Variants in SLC24A3 observed in about 807,000 individuals in gnomAD.
SLC24A3 encodes the protein solute carrier family 24 member 3.
A neutral mutation model predicts 75.8 loss-of-function variants in SLC24A3; 28 were observed. The observed-to-expected ratio is 0.37, with a 90% CI of 0.27 to 0.51. The LOEUF (loss-of-function observed/expected upper bound fraction) is 0.51, where lower values mean the gene tolerates loss of function less well. Ranked by LOEUF, SLC24A3 falls within the 20% of genes least tolerant of loss-of-function variation. SLC24A3 has a pLI of 0.94. For synonymous variants in SLC24A3, 372 were observed against 334.1 expected (o/e 1.11, Z -1.24); for missense variants, 663 against 847.8 (o/e 0.78, Z 2.71).
intron 6 of SLC24A3, among the ~76,000 whole-genome samples, chr20:19,624,810 T>C (rs1225547522): frequency 6.6e-6 from 1 of 152,204 alleles, no homozygotes; most frequent in East Asian, 1.9e-4. Flanking sequence ...CTCCCACTCA[T>C]TGAGTTCTGA....
intron 3 of SLC24A3, among the ~76,000 whole-genome samples, chr20:19,553,546 C>T (rs1647852693): frequency 6.6e-6 from 1 of 152,164 alleles, no homozygotes; most frequent in Admixed American, 6.5e-5. Flanking sequence ...TCCCTCAGAA[C>T]ATGTCTTTCA....
At chr20:19,461,905 A>G (rs6046109) in intron 2 of SLC24A3, among the ~76,000 whole-genome samples, 106,422 of 152,016 alleles carry the variant, frequency 0.7, 38,261 homozygotes, top group African/African-American at 0.88. Context: ...CATTTTCCCC[A>G]TTTATGAGAG....
chr20:19,237,492 G>A (rs1219562876), intron 1 of SLC24A3, among the ~76,000 whole-genome samples: 6 of 152,142 alleles, frequency 3.9e-5, no homozygotes, highest in Non-Finnish European at 5.9e-5. Flanking sequence ...ACCTGTTCCC[G>A]TCATGTGCTA....
chr20:19,698,681 G>A lies in SLC24A3; in HGVS notation c.1719+1G>A, dbSNP rs201062990. ...CCTGGCTGTGGATTACGGATCCTACGTAAGTGGTTTTCTCCAGGACTTCTC... is the reference window on the plus strand; with the variant it reads ...CCTGGCTGTGGATTACGGATCCTACATAAGTGGTTTTCTCCAGGACTTCTC... On this transcript the variant is annotated splice_donor_variant, in intron 15 of 16. Transcript: ENST00000328041. LOFTEE classifies it high-confidence loss of function. 5 of 1,570,160 alleles carry A rather than the reference G, an allele frequency of 3.2e-6. No individual in the cohort carries two copies. In the East Asian group the frequency reaches 7.0e-5, roughly 22 times the overall value.
In SLC24A3 at chr20:19,721,355, CTCCGTGTGAAGACA is replaced by C. The variant is rs1600358265; in HGVS notation, c.*219_*232del. The C allele has an allele frequency of 3.4e-5, 18 of 525,100 alleles. No individual in the cohort carries two copies. The East Asian group carries it at 5.7e-4, about 17-fold the overall frequency. The allele number at this position is 525,100 out of a possible 1,614,324, so 32.5% of individuals were successfully genotyped here. A position where few individuals can be genotyped will look rare whatever the true frequency, so the allele number is the denominator to read the frequency against. ...ATGCCCACCCACCCTTTCCTGCCTC[CTCCGTGTGAAGACA>C]TCCAACATCCACGTGACTTTTCCAG... is the stretch of plus-strand genomic sequence containing the variant. On this transcript the variant is annotated 3_prime_UTR_variant, in exon 17 of 17. Coordinates refer to ENST00000328041, the MANE Select transcript of SLC24A3 (RefSeq NM_020689.4).
At chr20:19,295,255 T>A (rs932484240) in intron 2 of SLC24A3, among the ~76,000 whole-genome samples, 5 of 152,232 alleles carry the variant, frequency 3.3e-5, no homozygotes, top group African/African-American at 1.2e-4. Flanking sequence ...TTAAGAAGCT[T>A]TTGGGCTGAG....
At chr20:19,707,711 A>T (rs960313912) in intron 15 of SLC24A3, among the ~76,000 whole-genome samples, 8 of 152,246 alleles carry the variant, frequency 5.3e-5, no homozygotes, top group Non-Finnish European at 1.0e-4. Flanking sequence ...GTAACATGTG[A>T]TTCTTTGCTT....
chr20:19,606,543 G>T (rs537749566), intron 6 of SLC24A3, among the ~76,000 whole-genome samples: 1 of 152,286 alleles, frequency 6.6e-6, no homozygotes, highest in African/African-American at 2.4e-5. Flanking sequence ...CTTTGCAAAT[G>T]ATATTCATCT....
chr20:19,649,590 GT>G (rs886527112), intron 6 of SLC24A3, among the ~76,000 whole-genome samples: 2 of 151,258 alleles, frequency 1.3e-5, no homozygotes, highest in Non-Finnish European at 3.0e-5. Flanking sequence ...ACTGTTTTTT[GT>G]TTTTTTTGTT....
chr20:19,570,255 T>G (rs992125961), intron 3 of SLC24A3, among the ~76,000 whole-genome samples: 1 of 152,188 alleles, frequency 6.6e-6, no homozygotes, highest in Non-Finnish European at 1.5e-5. Flanking sequence ...GGGAGAACTC[T>G]ATCAGAAGAA....
intron 1 of SLC24A3, among the ~76,000 whole-genome samples, chr20:19,238,392 A>G (rs769114817): frequency 6.6e-6 from 1 of 152,232 alleles, no homozygotes; most frequent in Non-Finnish European, 1.5e-5. Flanking sequence ...TCCACTGTTC[A>G]TCTATAATGA....
intron 3 of SLC24A3, among the ~76,000 whole-genome samples, chr20:19,576,694 C>T (rs764633144): frequency 2.6e-5 from 4 of 152,120 alleles, no homozygotes; most frequent in Non-Finnish European, 4.4e-5. Context: ...CCCCTCGAAG[C>T]GTGGATACAA....
At chr20:19,242,975 T>G (rs980834282) in intron 1 of SLC24A3, among the ~76,000 whole-genome samples, 1 of 152,228 alleles carries the variant, frequency 6.6e-6, no homozygotes, top group African/African-American at 2.4e-5. Flanking sequence ...TCCTTTTCTC[T>G]TCTTAGTAAA....
At chr20:19,603,763 A>G (rs2122655674) in intron 6 of SLC24A3, among the ~76,000 whole-genome samples, 1 of 152,162 alleles carries the variant, frequency 6.6e-6, no homozygotes, top group East Asian at 1.9e-4. Context: ...GAGCCACATT[A>G]TGCACATATT....
At chr20:19,623,110 G>T (rs866740238) in intron 6 of SLC24A3, among the ~76,000 whole-genome samples, 1 of 152,044 alleles carries the variant, frequency 6.6e-6, no homozygotes, top group Admixed American at 6.5e-5. Context: ...ACCATAACAA[G>T]TTCTAACTGT....
intron 2 of SLC24A3, among the ~76,000 whole-genome samples, chr20:19,348,804 G>T (rs1245042112): frequency 6.6e-6 from 1 of 152,104 alleles, no homozygotes; most frequent in East Asian, 1.9e-4. Flanking sequence ...AGTAAGCTTT[G>T]TCAGTCTGTG....
At chr20:19,577,094 G>A (rs555767657) in intron 3 of SLC24A3, among the ~76,000 whole-genome samples, 6 of 150,528 alleles carry the variant, frequency 4.0e-5, no homozygotes, top group South Asian at 4.2e-4. Context: ...TCACTCTGTC[G>A]CCGAGGCTGG....
chr20:19,510,184 C>T (rs1988516043), intron 2 of SLC24A3, among the ~76,000 whole-genome samples: 1 of 152,190 alleles, frequency 6.6e-6, no homozygotes, highest in Non-Finnish European at 1.5e-5. Flanking sequence ...GGTCATCTGG[C>T]AACAAATGCC....
chr20:19,357,655 C>T (rs540202961), intron 2 of SLC24A3, among the ~76,000 whole-genome samples: 1 of 152,200 alleles, frequency 6.6e-6, no homozygotes, highest in South Asian at 2.1e-4. Context: ...TGTGTCAGGT[C>T]TTGATTGAAA....
Sources: allele counts gnomAD v4.1 joint callset (sites outside exome capture counted in the v4.1 genomes callset), GRCh38; gene constraint gnomAD v4.1.1; transcripts MANE v1.5; gene names NCBI Gene and HGNC (gene_info 2026-07-23, HGNC 2026-07-21).